CREBRF: variants seen among roughly 807,000 people sequenced by gnomAD.
CREBRF encodes UPF0474 protein C5orf41.
A neutral mutation model predicts 66.1 loss-of-function variants in CREBRF; 5 were observed. The observed-to-expected ratio is 0.08, with a 90% CI of 0.04 to 0.16. The LOEUF (loss-of-function observed/expected upper bound fraction) is 0.16. Among genes scored for constraint, CREBRF ranks in the 10% least tolerant of loss-of-function variants. The pLI is 1.00. For synonymous variants in CREBRF, 229 were observed against 264.4 expected, an observed-to-expected ratio of 0.87 and a Z score of 1.30; for missense variants, 531 against 744.9, an observed-to-expected ratio of 0.71 and a Z score of 3.34.
intron 4 of CREBRF, among the ~76,000 whole-genome samples, chr5:173,103,966 A>G (rs150778876): frequency 6.6e-6 from 1 of 152,332 alleles, no homozygotes; most frequent in East Asian, 1.9e-4. Flanking sequence ...CATGAAAAGA[A>G]AAGGGAAAGG....
intron 4 of CREBRF, among the ~76,000 whole-genome samples, chr5:173,105,184 A>G (rs1758719202): frequency 6.6e-6 from 1 of 151,882 alleles, no homozygotes; most frequent in Admixed American, 6.6e-5. Context: ...CTAAGGGAGT[A>G]TATCAAATAA....
intron 2 of CREBRF, 67 bp downstream of exon 2, chr5:173,080,851 C>G (rs1397808743): frequency 1.4e-6 from 2 of 1,451,616 alleles, no homozygotes; most frequent in Non-Finnish European, 1.9e-6. Context: ...ACCTTTGACT[C>G]TTAAATGAAT....
intron 4 of CREBRF, among the ~76,000 whole-genome samples, chr5:173,098,746 G>C (rs889572088): frequency 6.6e-6 from 1 of 151,308 alleles, no homozygotes; most frequent in African/African-American, 2.4e-5. Context: ...ATTAATATTT[G>C]GTTCATTTAC....
At chr5:173,117,508 G>A (rs1434781708) in intron 7 of CREBRF, among the ~76,000 whole-genome samples, 1 of 79,976 alleles carries the variant, frequency 1.3e-5, no homozygotes, top group Non-Finnish European at 2.7e-5. Context: ...TTTCCTTTTT[G>A]CCTTCCCTTC....
At chr5:173,061,213 G>A (rs938487730) in intron 1 of CREBRF, among the ~76,000 whole-genome samples, 2 of 152,146 alleles carry the variant, frequency 1.3e-5, no homozygotes, top group African/African-American at 2.4e-5. Flanking sequence ...TGATCTGCCC[G>A]CCTCAGCCTC....
chr5:173,091,216 G>T lies in CREBRF; in HGVS notation c.1037G>T (p.Gly346Val), dbSNP rs1187779008. ...TCTCTTTTTGTCTCCGACAACTTGGGTGAACAGCCAACTAAATGCAGTCCT... is the reference window on the plus strand; with the variant it reads ...TCTCTTTTTGTCTCCGACAACTTGGTTGAACAGCCAACTAAATGCAGTCCT... The part of the protein sequence containing the change: ...NYSLFVSDNL[G>V]EQPTKCSPEE... The change falls in exon 4 of 9, where the codon GGT becomes GTT. Residue 346 changes from glycine (G) to valine (V), a missense_variant. By Grantham distance (109) the Gly-to-Val change is moderately radical. Around this residue, in one of 5 missense-constraint regions of CREBRF, gnomAD observed 309 missense variants for 341.4 expected, o/e 0.90. Transcript: ENST00000296953. 1.9e-6 allele frequency: 3 copies of T among 1,614,014 alleles called. No individual in the cohort carries two copies. In the African/African-American group the frequency reaches 4.0e-5, roughly 22 times the overall value.
intron 8 of CREBRF, 110 bp downstream of exon 8, chr5:173,123,312 A>C: frequency 9.9e-7 from 1 of 1,007,066 alleles, no homozygotes; most frequent in Non-Finnish European, 1.4e-6. Flanking sequence ...AAGTGCTCTC[A>C]TTGTAATTAC....
intron 5 of CREBRF, 49 bp from the exon 6 acceptor site, chr5:173,110,473 C>G (rs1200729973): frequency 1.5e-6 from 2 of 1,366,116 alleles, no homozygotes; most frequent in Non-Finnish European, 1.0e-6. Context: ...AAACGTGTCT[C>G]TTGTTAATTA....
At chr5:173,064,744 A>C (rs1757383121) in intron 1 of CREBRF, among the ~76,000 whole-genome samples, 2 of 151,822 alleles carry the variant, frequency 1.3e-5, no homozygotes, top group African/African-American at 4.8e-5. Flanking sequence ...TTGTATTTTT[A>C]GTAGAGTCGA....
At chr5:173,111,297 C>CA (rs1162208773) in intron 6 of CREBRF, among the ~76,000 whole-genome samples, 21 of 151,010 alleles carry the variant, frequency 1.4e-4, no homozygotes, top group Non-Finnish European at 4.4e-5. Context: ...TTTTTTGAGA[C>CA]AGAGTCTCAC....
In CREBRF at chr5:173,118,298, G is replaced by A. The variant is rs569903180; in HGVS notation, c.1682-4782G>A. 9.2e-5 allele frequency among the ~76,000 whole-genome samples: 14 copies of A among 152,316 alleles called. No homozygotes were observed. The South Asian group carries it at 2.7e-3, about 29-fold the overall frequency. ...GTGCTGGATGGGATTACAGGCATGA[G>A]CCACCATGCCTGGCCCTCACTGGCA... On this transcript the variant is annotated intron_variant, in intron 7 of 8. Transcript: ENST00000296953.
intron 4 of CREBRF, among the ~76,000 whole-genome samples, chr5:173,107,648 A>G (rs1378977641): frequency 6.6e-6 from 1 of 152,114 alleles, no homozygotes; most frequent in African/African-American, 2.4e-5. Context: ...GCTGCCACAT[A>G]GAATTCTGCC....
Position 173,123,065 on chromosome 5 carries a change from T to G in CREBRF, c.1682-15T>G, listed in dbSNP as rs1222718708. The G allele has an allele frequency of 4.5e-6, 7 of 1,570,598 alleles. No individual in the cohort carries two copies. Among genetic ancestry groups the G allele is most frequent in the Non-Finnish European group, 6.0e-6 (7 of 1,166,904 alleles). On this transcript the variant is annotated splice_polypyrimidine_tract_variant and intron_variant, in intron 7 of 8. Coordinates refer to ENST00000296953, the MANE Select transcript of CREBRF (RefSeq NM_153607.3). ...TGGTAGTGACATATTCCAAGTGTTTTGTTCTGTCTTACAGATAATTTATTG... is the reference window on the plus strand; with the variant it reads ...TGGTAGTGACATATTCCAAGTGTTTGGTTCTGTCTTACAGATAATTTATTG...
chr5:173,068,424 G>T (rs946847913), intron 1 of CREBRF, among the ~76,000 whole-genome samples: 7 of 152,164 alleles, frequency 4.6e-5, no homozygotes, highest in Admixed American at 6.6e-5. Context: ...AATTTTATAT[G>T]ACTCTGTTTC....
At chr5:173,128,312 T>G (rs1723938660) in intron 8 of CREBRF, among the ~76,000 whole-genome samples, 1 of 152,196 alleles carries the variant, frequency 6.6e-6, no homozygotes, top group Non-Finnish European at 1.5e-5. Context: ...TCCAGTTTTT[T>G]GTGGATTTAT....
rs1759532025 is a variant in CREBRF, at chr5:173,133,976, A to AT, written c.*232dup. ...GCTACTGGCATCAGAATTGAAAATC[A>AT]TATGTTTAAGTAAATGTTAGGTACA... On this transcript the variant is annotated 3_prime_UTR_variant, in exon 9 of 9. Coordinates refer to ENST00000296953, the MANE Select transcript of CREBRF (RefSeq NM_153607.3). 3.2e-6 allele frequency: 1 copy of AT among 309,374 alleles called. No individual in the cohort carries two copies. The highest frequency in any genetic ancestry group is 6.0e-6 in the Non-Finnish European group (1 of 167,148). 19.2% of individuals were successfully genotyped at this position (309,374 alleles called of 1,614,324 possible). A position where few individuals can be genotyped will look rare whatever the true frequency, so the allele number is the denominator to read the frequency against.
intron 4 of CREBRF, among the ~76,000 whole-genome samples, chr5:173,104,883 A>C (rs991307020): frequency 7.9e-5 from 12 of 152,298 alleles, no homozygotes; most frequent in Middle Eastern, 3.4e-3. Flanking sequence ...TAAAACTGTA[A>C]TTTGGGTGGG....
chr5:173,083,221 T>A (rs981186419), intron 2 of CREBRF, among the ~76,000 whole-genome samples: 5 of 151,802 alleles, frequency 3.3e-5, no homozygotes, highest in East Asian at 1.9e-4. Context: ...CAAAAAAAAA[T>A]AAATAAATAA....
chr5:173,075,841 C>T (rs1004909084), intron 1 of CREBRF, among the ~76,000 whole-genome samples: 2 of 151,994 alleles, frequency 1.3e-5, no homozygotes, highest in African/African-American at 4.8e-5. Context: ...CTCCTGCCTA[C>T]TTCCCTGCCT....
Sources: allele counts gnomAD v4.1 joint callset (sites outside exome capture counted in the v4.1 genomes callset), GRCh38; gene constraint gnomAD v4.1.1; regional missense constraint gnomAD v4.1.1; transcripts MANE v1.5; gene names NCBI Gene and HGNC (gene_info 2026-07-23, HGNC 2026-07-21).